TMPRSS9: variants seen among roughly 807,000 people sequenced by gnomAD.
The protein encoded by TMPRSS9 is transmembrane protease serine 9.
In TMPRSS9, 113 loss-of-function variants were observed where a neutral mutation model predicts 111.4. The observed-to-expected ratio is 1.01, with a 90% CI of 0.87 to 1.19. TMPRSS9 has a LOEUF of 1.19. TMPRSS9 is among the 50% of genes most tolerant of loss of function. The probability of loss-of-function intolerance (pLI) is 0.00; values close to 1 mark genes in which losing one functional copy is unlikely to be tolerated. For missense variants in TMPRSS9, 1,803 were observed against 1,513.1 expected, an observed-to-expected ratio of 1.19 and a Z score of -3.18; for synonymous variants, 805 against 659.1, an observed-to-expected ratio of 1.22 and a Z score of -3.39.
At chr19:2,374,613 C>G (rs1257127564) in intron 1 of TMPRSS9, among the ~76,000 whole-genome samples, 3 of 152,056 alleles carry the variant, frequency 2.0e-5, no homozygotes, top group Admixed American at 1.3e-4. Context: ...CCCTCAAAAA[C>G]AGGGTCTTTG....
At chr19:2,400,204 A>G (rs72971463) in intron 4 of TMPRSS9, among the ~76,000 whole-genome samples, 8,503 of 152,354 alleles carry the variant, frequency 0.056, 267 homozygotes, top group Non-Finnish European at 0.072. Context: ...GTAGTTGGCC[A>G]ACCCCCTACT....
At chr19:2,368,291 C>G (rs113134746) in intron 1 of TMPRSS9, among the ~76,000 whole-genome samples, 17 of 151,318 alleles carry the variant, frequency 1.1e-4, no homozygotes, top group African/African-American at 4.1e-4. Context: ...CTACCATCTA[C>G]TCCCATGGGT....
At chr19:2,361,207 G>A (rs1279635024) in intron 1 of TMPRSS9, among the ~76,000 whole-genome samples, 1 of 54,606 alleles carries the variant, frequency 1.8e-5, no homozygotes, top group African/African-American at 8.8e-5. Context: ...TGGGGTGGGA[G>A]GTGGGGCTGG....
At chr19:2,368,774 G>GTTTTTTTTTTTTTTGT (rs1970266176) in intron 1 of TMPRSS9, among the ~76,000 whole-genome samples, 1 of 70,366 alleles carries the variant, frequency 1.4e-5, no homozygotes, top group Admixed American at 2.0e-4. Context: ...GATAAACCCA[G>GTTTTTTTTTTTTTTGT]TTTTTTTTTT....
intron 1 of TMPRSS9, among the ~76,000 whole-genome samples, chr19:2,375,149 C>T (rs1236808475): frequency 6.6e-6 from 1 of 152,216 alleles, no homozygotes; most frequent in Non-Finnish European, 1.5e-5. Flanking sequence ...GGCCAATGGC[C>T]CCACGTCTAC....
intron 1 of TMPRSS9, among the ~76,000 whole-genome samples, chr19:2,378,719 A>G (rs1296821905): frequency 6.6e-6 from 1 of 152,192 alleles, no homozygotes; most frequent in Non-Finnish European, 1.5e-5. Flanking sequence ...CTCCGTCTAA[A>G]AACAAAACCT....
chr19:2,396,389 G>A, intron 1 of TMPRSS9, 150 bp from the exon 3 acceptor site: 1 of 889,190 alleles, frequency 1.1e-6, no homozygotes, highest in Non-Finnish European at 1.6e-6. Flanking sequence ...GCTATTCAGG[G>A]CTATCACGGG....
chr19:2,419,437 C>T (rs1030344744), intron 13 of TMPRSS9, among the ~76,000 whole-genome samples: 8 of 151,484 alleles, frequency 5.3e-5, no homozygotes, highest in Admixed American at 2.6e-4. Context: ...CTCCTGATGT[C>T]GTGATCTGCC....
chr19:2,368,787 T>G (rs111533626), intron 1 of TMPRSS9, among the ~76,000 whole-genome samples: 45 of 111,392 alleles, frequency 4.0e-4, no homozygotes, highest in African/African-American at 1.9e-3. Context: ...TTTTTTTTTT[T>G]TTTTTTTTTT....
At chr19:2,392,384 C>T (rs1307322228) in intron 1 of TMPRSS9, among the ~76,000 whole-genome samples, 1 of 151,272 alleles carries the variant, frequency 6.6e-6, no homozygotes, top group Non-Finnish European at 1.5e-5. Flanking sequence ...CAGAGTGACA[C>T]CCTGATAAAA....
At chr19:2,390,338 G>A (rs887575823) in intron 1 of TMPRSS9, among the ~76,000 whole-genome samples, 3 of 140,026 alleles carry the variant, frequency 2.1e-5, no homozygotes, top group African/African-American at 5.2e-5. Context: ...CACCTCCCGG[G>A]TTCACACCGT....
chr19:2,378,236 TAGACTC>T (rs1406360815), intron 1 of TMPRSS9, among the ~76,000 whole-genome samples: 1 of 152,058 alleles, frequency 6.6e-6, no homozygotes, highest in Non-Finnish European at 1.5e-5. Flanking sequence ...AGGACAAAAA[TAGACTC>T]AGACAACTGT....
exon 14 of TMPRSS9, chr19:2,422,068 C>G: frequency 6.2e-7 from 1 of 1,610,688 alleles, no homozygotes; most frequent in Non-Finnish European, 8.5e-7. Flanking sequence ...ACCACCAGCC[C>G]CAGGACGACA....
intron 1 of TMPRSS9, among the ~76,000 whole-genome samples, chr19:2,382,406 A>G (rs954769426): frequency 4.6e-5 from 7 of 152,212 alleles, no homozygotes; most frequent in Non-Finnish European, 8.8e-5. Flanking sequence ...TGCTGGGATT[A>G]CAGGCGTGAG....
At chr19:2,426,251 C>T (rs758815908), downstream of TMPRSS9, 30 of 379,776 alleles carry the variant, frequency 7.9e-5, no homozygotes, top group Admixed American at 1.3e-3. Context: ...AAACACAGCC[C>T]CTCCACCCTA....
Position 2,405,560 on chromosome 19 carries a change from C to G in TMPRSS9, c.842+15C>G. 1 of 1,530,030 alleles carries G rather than the reference C, an allele frequency of 6.5e-7. No homozygotes were observed. The highest frequency in any genetic ancestry group is 8.8e-7 in the Non-Finnish European group (1 of 1,140,444). 94.8% of individuals were successfully genotyped at this position (1,530,030 alleles called of 1,614,324 possible). On this transcript the variant is annotated intron_variant, in intron 7 of 17. Coordinates refer to ENST00000648592, the Ensembl canonical transcript of TMPRSS9. ...TGCTTCAATGAGTAAGCCCCCATCC[C>G]AAAGCACCAAACCCGAACCCTCTGT...
chr19:2,405,503 TCAA>T, exon 7 of TMPRSS9: 1 of 1,602,776 alleles, frequency 6.2e-7, no homozygotes, highest in Non-Finnish European at 8.5e-7. Flanking sequence ...GCCGCCATCA[TCAA>T]CGCCAGGTGG....
chr19:2,413,646 G>C, intron 9 of TMPRSS9, 54 bp from the exon 11 acceptor site: 1 of 1,549,274 alleles, frequency 6.5e-7, no homozygotes, highest in Non-Finnish European at 8.8e-7. Flanking sequence ...CGTAGCACTG[G>C]TGTCTGGACT....
In TMPRSS9 at chr19:2,408,478, C is replaced by T. The variant is rs559619617; in HGVS notation, c.965C>T (p.Thr322Met). Residue 322 changes from threonine to methionine, a missense_variant, in exon 8 of 18, where the codon ACG (threonine) becomes ATG (methionine). Transcript: ENST00000648592. Reference sequence around the variant, plus strand: ...AAGCACCCCCTGTACAACGCGGACACGGCCGACTTTGACGTGGCTGTGCTG... The same window carrying T: ...AAGCACCCCCTGTACAACGCGGACATGGCCGACTTTGACGTGGCTGTGCTG... 19 of 1,613,962 alleles carry T rather than the reference C, an allele frequency of 1.2e-5. No individual in the cohort carries two copies. Among genetic ancestry groups the T allele is most frequent in the Middle Eastern group, 1.6e-4 (1 of 6,062 alleles).
Sources: gnomAD v4.1 joint callset for allele counts (sites outside exome capture counted in the v4.1 genomes callset) on GRCh38, gnomAD v4.1.1 for gene constraint, MANE v1.5 for transcripts, NCBI Gene and HGNC (gene_info 2026-07-23, HGNC 2026-07-21) for gene names.